Variants in FBLN2 observed in about 807,000 individuals in gnomAD.
The protein encoded by FBLN2 is fibulin 2.
A neutral mutation model predicts 123.7 loss-of-function variants in FBLN2; 81 were observed. That is an observed-to-expected ratio of 0.65 (90% CI 0.55 to 0.79). The LOEUF (loss-of-function observed/expected upper bound fraction) is 0.79. FBLN2 is among the 30% of genes least tolerant of loss of function. FBLN2 has a pLI of 0.00. For missense variants in FBLN2, 1,603 were observed against 1,681.3 expected (o/e 0.95, Z 0.81); for synonymous variants, 699 against 701.4 (o/e 1.00, Z 0.05).
chr3:13,636,401 C>T (rs767743167), intron 16 of FBLN2, 44 bp from the exon 17 acceptor site: 36 of 1,604,196 alleles, frequency 2.2e-5, no homozygotes, highest in Non-Finnish European at 2.8e-5. Flanking sequence ...CAGGCTGGGT[C>T]CCCCAGCTGT....
chr3:13,619,056 G>T (rs1272839878), intron 7 of FBLN2, 39 bp downstream of exon 7: 24 of 1,503,178 alleles, frequency 1.6e-5, no homozygotes, highest in Non-Finnish European at 1.8e-5. Flanking sequence ...CAGGGCCCAG[G>T]GTCCAGGGGG....
intron 2 of FBLN2, among the ~76,000 whole-genome samples, chr3:13,598,229 A>G (rs1007972526): frequency 2.6e-5 from 4 of 152,274 alleles, no homozygotes; most frequent in Non-Finnish European, 5.9e-5. Context: ...GCCAGGAGAC[A>G]GGAGGCTGTG....
Position 13,637,573 on chromosome 3 carries a change from G to A in FBLN2, c.3350G>A (p.Arg1117His). The change falls in exon 18 of 18, where the codon CGC becomes CAC. Residue 1117 changes from arginine (R) to histidine (H), a missense_variant. Coordinates refer to ENST00000404922, the MANE Select transcript of FBLN2 (RefSeq NM_001004019.2). ...YVQVSKTKCERTTCHDFLECQ... is the reference protein window; with the variant it reads ...YVQVSKTKCEHTTCHDFLECQ... ...TATCCTCCCTGCAGGAAGTGCGAGC[G>A]CACCACGTGCCATGACTTCCTGGAG... 3 of 1,606,110 alleles carry A rather than the reference G, an allele frequency of 1.9e-6. No homozygotes were observed. Among genetic ancestry groups the A allele is most frequent in the South Asian group, 1.1e-5 (1 of 90,396 alleles).
intron 2 of FBLN2, among the ~76,000 whole-genome samples, chr3:13,601,367 T>G (rs1025034343): frequency 6.6e-6 from 1 of 152,112 alleles, no homozygotes; most frequent in Non-Finnish European, 1.5e-5. Context: ...CCAGAAGTAT[T>G]CAAATAAGGA....
chr3:13,609,705 G>A (rs1361079658), intron 4 of FBLN2, 63 bp downstream of exon 4: 7 of 1,529,296 alleles, frequency 4.6e-6, no homozygotes, highest in Middle Eastern at 2.3e-4. Flanking sequence ...GCTGGCCTGG[G>A]CCTGAAGGTC....
intron 2 of FBLN2, among the ~76,000 whole-genome samples, chr3:13,606,519 G>A (rs1208839690): frequency 1.3e-5 from 2 of 152,168 alleles, no homozygotes; most frequent in South Asian, 2.1e-4. Context: ...GTGCTGACCC[G>A]ACTAACAGTC....
At chr3:13,617,175 C>T (rs562038887) in intron 5 of FBLN2, among the ~76,000 whole-genome samples, 33 of 151,012 alleles carry the variant, frequency 2.2e-4, no homozygotes, top group African/African-American at 7.3e-4. Context: ...TCCATCCATC[C>T]ATCTATCCAT....
At chr3:13,558,776 TCC>T (rs1703530338) in intron 1 of FBLN2, among the ~76,000 whole-genome samples, 3 of 12,868 alleles carry the variant, frequency 2.3e-4, no homozygotes, top group Non-Finnish European at 7.4e-4. Context: ...CATCCATCCA[TCC>T]ACCCATCCAC....
At chr3:13,621,731 CCCTCTAACAGT>C (rs1273447455) in intron 8 of FBLN2, 33 bp from the exon 9 acceptor site, 3 of 1,608,500 alleles carry the variant, frequency 1.9e-6, no homozygotes. Flanking sequence ...CAGCCCATGT[CCCTCTAACAGT>C]CCTTCTGTTT....
At position 13,638,059 on chromosome 3, in the gene FBLN2, A is replaced by G. The variant is rs1575007545; in HGVS notation, c.*140A>G. The G allele has an allele frequency of 5.0e-6, 4 of 796,818 alleles. No homozygotes were observed. Among genetic ancestry groups the G allele is most frequent in the Non-Finnish European group, 8.0e-6 (4 of 500,042 alleles). The allele number at this position is 796,818 out of a possible 1,614,324, so 49.4% of individuals were successfully genotyped here. The stretch of plus-strand genomic sequence containing the variant: ...CTGACTTGACTCCTGTGGCTTCTGG[A>G]CCCCTCCTCTGCCCCGCAGGAGGAA... On this transcript the variant is annotated 3_prime_UTR_variant, in exon 18 of 18. Coordinates refer to ENST00000404922, the MANE Select transcript of FBLN2 (RefSeq NM_001004019.2).
chr3:13,617,583 CCAT>C (rs1159989454), intron 5 of FBLN2, among the ~76,000 whole-genome samples: 15 of 23,622 alleles, frequency 6.4e-4, no homozygotes, highest in Non-Finnish European at 1.7e-4. Flanking sequence ...ATCCACCCAT[CCAT>C]CCATCCATCC....
rs947028024 is a variant in FBLN2, at chr3:13,614,174, G to A, written c.1729+10G>A. ...GCTGCACCACGGAGAGGTGAGTGCTGCTCTTCCCTGGCTGCGGCATATAGG... is the reference window on the plus strand; with the variant it reads ...GCTGCACCACGGAGAGGTGAGTGCTACTCTTCCCTGGCTGCGGCATATAGG... On this transcript the variant is annotated intron_variant, in intron 5 of 17. Coordinates refer to ENST00000404922, the MANE Select transcript of FBLN2 (RefSeq NM_001004019.2). The A allele has an allele frequency of 1.8e-5, 29 of 1,607,944 alleles. No homozygotes were observed. The highest frequency in any genetic ancestry group is 2.4e-5 in the Non-Finnish European group (28 of 1,178,926).
chr3:13,576,392 G>A lies in FBLN2; in HGVS notation c.1306+4731G>A, dbSNP rs533881721. Among the ~76,000 whole-genome samples the A allele has an allele frequency of 2.0e-5, 3 of 152,286 alleles. No individual in the cohort carries two copies. In the South Asian group the frequency reaches 6.2e-4, roughly 32 times the overall value. On this transcript the variant is annotated intron_variant, in intron 2 of 17. Transcript: ENST00000404922. ...TACTGGTTCATCTCTGCCTTCCCAG[G>A]GATGCCAGGACATGCTCAGAGCTGA...
chr3:13,626,633 C>CCCCGCCCCTCCCTGGT, intron 10 of FBLN2, 54 bp downstream of exon 10: 1 of 1,484,572 alleles, frequency 6.7e-7, no homozygotes, highest in South Asian at 1.3e-5. Context: ...GCCAGTTTTG[C>CCCCGCCCCTCCCTGGT]CCCGCCCCTC....
rs1232382349 is a variant in FBLN2, at chr3:13,565,669, A to G, written c.-41-4646A>G. 2.0e-5 allele frequency among the ~76,000 whole-genome samples: 3 copies of G among 152,220 alleles called. No homozygotes were observed. In the East Asian group the frequency reaches 5.8e-4, roughly 29 times the overall value. On this transcript the variant is annotated intron_variant, in intron 1 of 17. Coordinates refer to ENST00000404922, the MANE Select transcript of FBLN2 (RefSeq NM_001004019.2). Reference sequence around the variant, plus strand: ...GCGTTCATCTTTTAAAAATGCCAGCAGTTGCCAACCCTCACCCCTCCTAGG... The same window carrying G: ...GCGTTCATCTTTTAAAAATGCCAGCGGTTGCCAACCCTCACCCCTCCTAGG...
At chr3:13,573,525 G>T (rs1015737043) in intron 2 of FBLN2, among the ~76,000 whole-genome samples, 61 of 152,244 alleles carry the variant, frequency 4.0e-4, no homozygotes, top group African/African-American at 1.4e-3. Context: ...GCTCCCCAAG[G>T]TCAGGGTCTC....
At chr3:13,562,381 G>T (rs1703636203) in intron 1 of FBLN2, among the ~76,000 whole-genome samples, 1 of 147,846 alleles carries the variant, frequency 6.8e-6, no homozygotes, top group African/African-American at 2.5e-5. Flanking sequence ...TTTTGTGACG[G>T]AGTCTTGCCG....
intron 2 of FBLN2, among the ~76,000 whole-genome samples, chr3:13,583,145 C>G (rs1455770225): frequency 6.6e-6 from 1 of 152,270 alleles, no homozygotes; most frequent in Non-Finnish European, 1.5e-5. Context: ...TGGCTTCCCA[C>G]AGACAAGGGG....
intron 2 of FBLN2, among the ~76,000 whole-genome samples, chr3:13,605,664 C>T (rs762047481): frequency 6.6e-6 from 1 of 152,194 alleles, no homozygotes; most frequent in South Asian, 2.1e-4. Context: ...CATGGGCATC[C>T]TTGTACTGGT....
Sources: allele counts gnomAD v4.1 joint callset (sites outside exome capture counted in the v4.1 genomes callset), GRCh38; gene constraint gnomAD v4.1.1; transcripts MANE v1.5; gene names NCBI Gene and HGNC (gene_info 2026-07-23, HGNC 2026-07-21).